Variants in RNF144A observed in about 807,000 individuals in gnomAD.
RNF144A encodes ring finger protein 144A.
RNF144A carries 11 observed loss-of-function variants against 38.7 expected under a neutral mutation model. The observed-to-expected ratio is 0.28, with a 90% confidence interval of 0.18 to 0.47. RNF144A has a LOEUF of 0.47. Ranked by LOEUF, RNF144A falls within the 20% of genes least tolerant of loss-of-function variation. The probability of loss-of-function intolerance (pLI) is 0.99; values close to 1 mark genes in which losing one functional copy is unlikely to be tolerated. For missense variants in RNF144A, 316 were observed against 377.2 expected (o/e 0.84, Z 1.34); for synonymous variants, 149 against 143.9 (o/e 1.04, Z -0.25).
chr2:6,952,868 C>T (rs778409577), intron 2 of RNF144A, among the ~76,000 whole-genome samples: 1 of 152,010 alleles, frequency 6.6e-6, no homozygotes, highest in African/African-American at 2.4e-5. Flanking sequence ...TTATTTATTA[C>T]AATACAATTG....
At chr2:7,001,589 A>G (rs1186260975) in intron 3 of RNF144A, among the ~76,000 whole-genome samples, 2 of 152,094 alleles carry the variant, frequency 1.3e-5, no homozygotes, top group Non-Finnish European at 2.9e-5. Flanking sequence ...AAGCAGGAAG[A>G]CTGCTTGAGC....
At position 6,944,053 on chromosome 2, in the gene RNF144A, G is replaced by A. The variant is rs1352336538; in HGVS notation, c.-12+2906G>A. 6.6e-6 allele frequency among the ~76,000 whole-genome samples: 1 copy of A among 152,152 alleles called. No homozygotes were observed. The highest frequency in any genetic ancestry group is 1.5e-5 in the Non-Finnish European group (1 of 68,022). On this transcript the variant is annotated intron_variant, in intron 2 of 8. Coordinates refer to ENST00000320892, the MANE Select transcript of RNF144A (RefSeq NM_014746.6). The surrounding 1 kb of genome is among the most constrained non-coding windows in gnomAD (Gnocchi z 4.7). ...CCAAGCTGAGAGGGACACAGTGAAA[G>A]AATGGCTGGAATTGGTATTGTGTGC...
rs1432904376 is a variant in RNF144A, at chr2:7,040,661, C to A, written c.*901C>A. 1.0e-6 allele frequency: 1 copy of A among 985,376 alleles called. No individual in the cohort carries two copies. Among genetic ancestry groups the A allele is most frequent in the African/African-American group, 1.7e-5 (1 of 57,244 alleles). 61.0% of individuals were successfully genotyped at this position (985,376 alleles called of 1,614,324 possible). ...GCAATGGTTCTCCTCCGAATTGCTG[C>A]CGTCTGGCCTCTGGCCTCAGTCTTC... is the stretch of plus-strand genomic sequence containing the variant. On this transcript the variant is annotated 3_prime_UTR_variant, in exon 9 of 9. Coordinates refer to ENST00000320892, the MANE Select transcript of RNF144A (RefSeq NM_014746.6).
At chr2:7,047,006 T>C (rs1234513565), downstream of RNF144A, among the ~76,000 whole-genome samples, 4 of 152,238 alleles carry the variant, frequency 2.6e-5, no homozygotes, top group Admixed American at 2.6e-4. Flanking sequence ...TTTATCAGCT[T>C]ATCACAACTT....
Position 6,987,224 on chromosome 2 carries a change from T to A in RNF144A, c.-11-9692T>A, listed in dbSNP as rs1326849512. 3.9e-5 allele frequency among the ~76,000 whole-genome samples: 6 copies of A among 152,186 alleles called. No individual in the cohort carries two copies. In the East Asian group the frequency reaches 1.2e-3, roughly 29 times the overall value. On this transcript the variant is annotated intron_variant, in intron 2 of 8. Coordinates refer to ENST00000320892, the MANE Select transcript of RNF144A (RefSeq NM_014746.6). ...TTCCTGCCATGAATAGCAATTGTTT[T>A]CCAAGCCAGGTGGCCTGCAAGAGAG...
At chr2:6,965,323 G>T (rs568916012) in intron 2 of RNF144A, among the ~76,000 whole-genome samples, 3 of 152,202 alleles carry the variant, frequency 2.0e-5, no homozygotes, top group African/African-American at 4.8e-5. Flanking sequence ...AGGCAGTGGT[G>T]CCCTGCAAGG....
intron 2 of RNF144A, among the ~76,000 whole-genome samples, chr2:6,953,455 C>G (rs1056974948): frequency 6.6e-6 from 1 of 152,106 alleles, no homozygotes; most frequent in Non-Finnish European, 1.5e-5. Context: ...CTCAGTACTG[C>G]TTTAATGGCA....
intron 2 of RNF144A, among the ~76,000 whole-genome samples, chr2:6,992,242 C>T (rs1669438565): frequency 6.6e-6 from 1 of 152,246 alleles, no homozygotes; most frequent in African/African-American, 2.4e-5. Flanking sequence ...CTCACGGAAA[C>T]AGATCACTGT....
chr2:7,000,409 CG>C (rs1458125061), intron 3 of RNF144A, among the ~76,000 whole-genome samples: 2 of 152,170 alleles, frequency 1.3e-5, no homozygotes, highest in Non-Finnish European at 2.9e-5. Flanking sequence ...GGGCCAATCC[CG>C]TGTTCGTTTT....
Position 7,014,726 on chromosome 2 carries a change from T to C in RNF144A, c.255T>C (p.Val85=), listed in dbSNP as rs764159290. 1 of 1,613,562 alleles carries C rather than the reference T, an allele frequency of 6.2e-7. No homozygotes were observed. The change falls in exon 5 of 9, where the codon GTT becomes GTC. Residue 85 remains valine, a synonymous_variant. Coordinates refer to ENST00000320892, the MANE Select transcript of RNF144A (RefSeq NM_014746.6). The stretch of plus-strand genomic sequence containing the variant: ...TTTTCCCTTAGATTGAGTGCATGGT[T>C]GCAGCTGAAATTATGCAAAGATATA... ...HLQENEIECM[V]AAEIMQRYKK...
At chr2:6,989,831 A>G (rs1437844617) in intron 2 of RNF144A, among the ~76,000 whole-genome samples, 1 of 152,144 alleles carries the variant, frequency 6.6e-6, no homozygotes, top group Non-Finnish European at 1.5e-5. Flanking sequence ...CCTTTTCTAG[A>G]ATGTCATATA....
At chr2:7,011,919 G>T (rs1670844063) in intron 3 of RNF144A, among the ~76,000 whole-genome samples, 1 of 152,166 alleles carries the variant, frequency 6.6e-6, no homozygotes. Flanking sequence ...TGTACAGATA[G>T]CTGCATCCTG....
intron 1 of RNF144A, among the ~76,000 whole-genome samples, chr2:6,936,608 TGAAA>T (rs1665601412): frequency 6.6e-6 from 1 of 152,186 alleles, no homozygotes; most frequent in African/African-American, 2.4e-5. Context: ...ACACACTTGG[TGAAA>T]GAAAGAAATG....
At chr2:7,021,426 G>A (rs74729829) in intron 6 of RNF144A, among the ~76,000 whole-genome samples, 7,437 of 151,880 alleles carry the variant, frequency 0.049, 194 homozygotes, top group Middle Eastern at 0.082. Flanking sequence ...GTTCCTTTCC[G>A]TGTGACCCCT....
At chr2:7,071,989 G>T (rs1674500788), downstream of RNF144A, among the ~76,000 whole-genome samples, 2 of 152,166 alleles carry the variant, frequency 1.3e-5, no homozygotes, top group East Asian at 1.9e-4. Context: ...AAGGATTTTG[G>T]ATTTGCCTAG....
chr2:7,058,204 C>CA (rs1673813217), intron 6 of RNF144A, among the ~76,000 whole-genome samples: 4 of 151,406 alleles, frequency 2.6e-5, no homozygotes, highest in Admixed American at 2.6e-4. Flanking sequence ...GAGACATGAA[C>CA]AAAAAGTAGG....
intron 1 of RNF144A, among the ~76,000 whole-genome samples, chr2:6,931,226 GC>G: frequency 6.6e-6 from 1 of 152,336 alleles, no homozygotes; most frequent in Non-Finnish European, 1.5e-5. Context: ...AAGACTTCAG[GC>G]CCCACTGGAT....
At chr2:7,032,644 G>C (rs1295893757) in intron 8 of RNF144A, among the ~76,000 whole-genome samples, 1 of 152,198 alleles carries the variant, frequency 6.6e-6, no homozygotes, top group Non-Finnish European at 1.5e-5. Flanking sequence ...TTCCCTGTGC[G>C]TCTCCACCTC....
At chr2:6,964,634 G>T (rs566429901) in intron 2 of RNF144A, among the ~76,000 whole-genome samples, 4,321 of 152,168 alleles carry the variant, frequency 0.028, 211 homozygotes, top group African/African-American at 0.098. Context: ...GGAATACTAC[G>T]CAGCCATAAA....
Sources: gnomAD v4.1 joint callset for allele counts (sites outside exome capture counted in the v4.1 genomes callset) on GRCh38, gnomAD v4.1.1 for gene constraint, Gnocchi (gnomAD v3.1) non-coding constraint, MANE v1.5 for transcripts, NCBI Gene and HGNC (gene_info 2026-07-23, HGNC 2026-07-21) for gene names.